The following ARG2 variants were observed in gnomAD, a reference collection of about 807,000 sequenced individuals.
ARG2 encodes arginase-2, mitochondrial.
In ARG2, 21 loss-of-function variants were observed where a neutral mutation model predicts 39.4. That is an observed-to-expected ratio of 0.53 (90% CI 0.38 to 0.77). ARG2 has a LOEUF of 0.77. ARG2 is among the 30% of genes least tolerant of loss of function. The probability of loss-of-function intolerance (pLI) is 0.00; values close to 1 mark genes in which losing one functional copy is unlikely to be tolerated. For missense variants in ARG2, 378 were observed against 426.2 expected, an observed-to-expected ratio of 0.89 and a Z score of 1.00; for synonymous variants, 150 against 156.7, an observed-to-expected ratio of 0.96 and a Z score of 0.32.
chr14:67,650,701 C>T lies in ARG2; in HGVS notation c.860-14C>T. 6.2e-7 allele frequency: 1 copy of T among 1,612,900 alleles called. No homozygotes were observed. Among genetic ancestry groups the T allele is most frequent in the Non-Finnish European group, 8.5e-7 (1 of 1,179,692 alleles). ...CAAGGGAACCTGAGGTTTTGTCACA[C>T]TTTGTTCTTCCAGGGTTGCTATCAG... On this transcript the variant is annotated splice_polypyrimidine_tract_variant and intron_variant, in intron 7 of 7. Transcript: ENST00000261783.
chr14:67,643,889 G>A (rs1478008086), intron 3 of ARG2, among the ~76,000 whole-genome samples: 2 of 137,770 alleles, frequency 1.5e-5, no homozygotes, highest in Non-Finnish European at 3.1e-5. Flanking sequence ...AAAAGACTCA[G>A]GTTGAAGAAA....
chr14:67,631,453 T>TTTTTA, intron 2 of ARG2, among the ~76,000 whole-genome samples: 1 of 148,828 alleles, frequency 6.7e-6, no homozygotes, highest in East Asian at 1.9e-4. Context: ...TTTTTTTTTT[T>TTTTTA]GAGACAGGGT....
chr14:67,639,103 CCTT>C (rs1364942840), intron 2 of ARG2, among the ~76,000 whole-genome samples: 6 of 152,190 alleles, frequency 3.9e-5, no homozygotes, highest in Admixed American at 3.9e-4. Flanking sequence ...CGACTGAAAT[CCTT>C]CTATGAAATT....
At chr14:67,640,339 C>T (rs1423161832) in intron 2 of ARG2, among the ~76,000 whole-genome samples, 1 of 152,104 alleles carries the variant, frequency 6.6e-6, no homozygotes, top group Non-Finnish European at 1.5e-5. Context: ...TGTATCTCAC[C>T]TTTAAGAATA....
chr14:67,620,219 CG>C (rs1311696157), intron 1 of ARG2, 131 bp downstream of exon 1: 6 of 367,366 alleles, frequency 1.6e-5, no homozygotes, highest in Non-Finnish European at 2.9e-5. Flanking sequence ...AAGAGCTGGC[CG>C]GTTCCCGCTA....
intron 2 of ARG2, among the ~76,000 whole-genome samples, chr14:67,634,430 C>CA (rs574075570): frequency 0.089 from 10,221 of 114,406 alleles, 501 homozygotes; most frequent in African/African-American, 0.15. Flanking sequence ...CTATCTCTAC[C>CA]AAAAAAAAAA....
rs1298184141 is a variant in ARG2, at chr14:67,645,711, C to T, written c.431C>T (p.Ala144Val). The stretch of plus-strand genomic sequence containing the variant: ...GACCTTTGTGTTGTCTGGGTTGATG[C>T]CCATGCTGACATCAACACACCCCTT... ...CPDLCVVWVD[A>V]HADINTPLTT... is the part of the protein sequence containing the mutation. The change falls in exon 4 of 8, where the codon GCC becomes GTC. Residue 144 changes from alanine to valine, a missense_variant. Transcript: ENST00000261783. 1 of 1,613,948 alleles carries T rather than the reference C, an allele frequency of 6.2e-7. No homozygotes were observed. The highest frequency in any genetic ancestry group is 1.1e-5 in the South Asian group (1 of 91,074).
intron 2 of ARG2, among the ~76,000 whole-genome samples, chr14:67,629,873 A>G (rs1214950293): frequency 6.6e-6 from 1 of 152,088 alleles, no homozygotes; most frequent in African/African-American, 2.4e-5. Context: ...ATACTTGGCA[A>G]ATTTTTGAGT....
chr14:67,640,481 A>G (rs1289331237), intron 2 of ARG2, among the ~76,000 whole-genome samples: 6 of 152,070 alleles, frequency 3.9e-5, no homozygotes, highest in Non-Finnish European at 8.8e-5. Flanking sequence ...CTGCTCCTCA[A>G]ATTTTTATAT....
chr14:67,643,159 T>A (rs1431238284), intron 3 of ARG2, among the ~76,000 whole-genome samples: 1 of 152,350 alleles, frequency 6.6e-6, no homozygotes, highest in East Asian at 1.9e-4. Flanking sequence ...CAATCAGTCC[T>A]TTGATCCTGT....
chr14:67,650,915 A>G lies in ARG2; in HGVS notation c.1060A>G (p.Ile354Val). The change falls in exon 8 of 8, where the codon ATT becomes GTT. Residue 354 changes from isoleucine (I) to valine (V), a missense_variant. Transcript: ENST00000261783. ...DESENQARVR[I>V] ...ATCAGAAAATCAAGCACGTGTGAGA[A>G]TTTAGGAGACACTGTGCACTGACAT... 1 of 1,613,908 alleles carries G rather than the reference A, an allele frequency of 6.2e-7. No individual in the cohort carries two copies. Among genetic ancestry groups the G allele is most frequent in the Non-Finnish European group, 8.5e-7 (1 of 1,179,922 alleles).
rs146489340 is a variant in ARG2 at position 67,630,146 on chromosome 14, C to T, written c.184+9180C>T. 3.3e-3 allele frequency among the ~76,000 whole-genome samples: 503 copies of T among 152,232 alleles called. 2 individuals carry two copies. The highest frequency in any genetic ancestry group is 0.012 in the African/African-American group (484 of 41,538). On this transcript the variant is annotated intron_variant, in intron 2 of 7. Transcript: ENST00000261783. ...CCACATCAGTTGTATTGACAAAGAA[C>T]GTCAGAGGATGAAGGTCTAGTTCTG...
At chr14:67,625,004 C>A (rs933960962) in intron 2 of ARG2, among the ~76,000 whole-genome samples, 1 of 152,132 alleles carries the variant, frequency 6.6e-6, no homozygotes, top group Non-Finnish European at 1.5e-5. Context: ...AGGTGATACT[C>A]CTCATAGACC....
chr14:67,635,479 A>G (rs2140746343), intron 2 of ARG2, among the ~76,000 whole-genome samples: 1 of 152,340 alleles, frequency 6.6e-6, no homozygotes, highest in South Asian at 2.1e-4. Flanking sequence ...GACTTCTAGT[A>G]ACATTGCAAC....
intron 3 of ARG2, 90 bp from the exon 4 acceptor site, chr14:67,645,550 TGGA>T: frequency 1.4e-6 from 2 of 1,431,806 alleles, no homozygotes; most frequent in Non-Finnish European, 1.9e-6. Context: ...CTTTGCACTG[TGGA>T]GAGAGTATAA....
intron 2 of ARG2, among the ~76,000 whole-genome samples, chr14:67,622,056 C>T (rs2140704855): frequency 6.6e-6 from 1 of 152,242 alleles, no homozygotes; most frequent in East Asian, 1.9e-4. Context: ...TGCCACTGCA[C>T]TCCAGCCTGG....
chr14:67,637,197 G>A (rs2036980618), intron 2 of ARG2, among the ~76,000 whole-genome samples: 1 of 151,784 alleles, frequency 6.6e-6, no homozygotes, highest in Non-Finnish European at 1.5e-5. Flanking sequence ...ATCACTTGAG[G>A]TCAGGAGTTC....
intron 3 of ARG2, among the ~76,000 whole-genome samples, chr14:67,645,417 C>T (rs1386831106): frequency 6.6e-6 from 1 of 152,132 alleles, no homozygotes; most frequent in Non-Finnish European, 1.5e-5. Flanking sequence ...TGACATCTGT[C>T]ACACTGCAGG....
rs758192870 is a variant in ARG2, at chr14:67,642,222, C to A, written c.221C>A (p.Thr74Asn). Reference protein sequence around the residue: ...HLKDFGDLSFTPVPKDDLYNN... With the variant: ...HLKDFGDLSFNPVPKDDLYNN... Reference sequence around the variant, plus strand: ...AAAGACTTTGGAGATTTGAGTTTTACTCCAGTCCCCAAAGATGATCTCTAC... The same window carrying A: ...AAAGACTTTGGAGATTTGAGTTTTAATCCAGTCCCCAAAGATGATCTCTAC... Residue 74 changes from threonine to asparagine, a missense_variant, in exon 3 of 8, where the codon ACT becomes AAT. Coordinates refer to ENST00000261783, the MANE Select transcript of ARG2 (RefSeq NM_001172.4). The A allele has an allele frequency of 3.1e-6, 5 of 1,614,130 alleles. No homozygotes were observed. The South Asian group carries it at 5.5e-5, about 18-fold the overall frequency.
Sources: allele counts gnomAD v4.1 joint callset (sites outside exome capture counted in the v4.1 genomes callset), GRCh38; gene constraint gnomAD v4.1.1; transcripts MANE v1.5; gene names NCBI Gene and HGNC (gene_info 2026-07-23, HGNC 2026-07-21).